Variants in MROH1 observed in about 807,000 individuals in gnomAD.
MROH1 encodes maestro heat like repeat family member 1.
Under a neutral mutation model 116.5 loss-of-function variants are expected in MROH1, and 117 were observed. That is an observed-to-expected ratio of 1.00 (90% CI 0.86 to 1.17). The LOEUF is 1.17. Among genes scored for constraint, MROH1 ranks in the 50% most tolerant of loss-of-function variants. The probability of loss-of-function intolerance (pLI) is 0.00; values close to 1 mark genes in which losing one functional copy is unlikely to be tolerated. For synonymous variants in MROH1, 921 were observed against 583.9 expected, an observed-to-expected ratio of 1.58 and a Z score of -8.32; for missense variants, 1,873 against 1,338.5, an observed-to-expected ratio of 1.40 and a Z score of -6.23.
chr8:144,257,012 A>G (rs1843984601), intron 35 of MROH1, among the ~76,000 whole-genome samples: 1 of 152,032 alleles, frequency 6.6e-6, no homozygotes, highest in South Asian at 2.1e-4. Flanking sequence ...CATGAGGCCC[A>G]GCTGAACTGA....
In MROH1 at chr8:144,238,785, C is replaced by T. The variant is rs1411218938; in HGVS notation, c.1368C>T (p.Asp456=). The T allele has an allele frequency of 6.5e-6, 5 of 774,130 alleles. No homozygotes were observed. The highest frequency in any genetic ancestry group is 5.4e-5 in the South Asian group (4 of 74,558). 48.0% of individuals were successfully genotyped at this position (774,130 alleles called of 1,614,324 possible). A position where few individuals can be genotyped will look rare whatever the true frequency, so the allele number is the denominator to read the frequency against. ...EPEKPGPGSK[D]PKADSVRAIS... The stretch of plus-strand genomic sequence containing the variant: ...AGAAGCCAGGCCCCGGCAGCAAGGA[C>T]CCCAAGGCCGACAGCGTGCGGGCCA... Residue 456 remains aspartate (D), a synonymous_variant, in exon 15 of 44, where the codon GAC becomes GAT. Transcript: ENST00000326134.
rs1012156789 is a variant in MROH1 at position 144,148,249 on chromosome 8, G to A, written c.-177+173G>A. Among the ~76,000 whole-genome samples, 58 of 152,240 alleles carry A rather than the reference G, an allele frequency of 3.8e-4. 1 individual carries two copies. In the East Asian group the frequency reaches 9.1e-3, roughly 24 times the overall value. ...GCTGGGAGGGTCCTGGGTGTCGCGGGGACCTCGGCTCAGGTGTGCGCCGCG... is the reference window on the plus strand; with the variant it reads ...GCTGGGAGGGTCCTGGGTGTCGCGGAGACCTCGGCTCAGGTGTGCGCCGCG... On this transcript the variant is annotated intron_variant, in intron 1 of 43. Transcript: ENST00000326134.
At position 144,168,435 on chromosome 8, in the gene MROH1, G is replaced by T; in HGVS notation, c.163G>T (p.Asp55Tyr). 1 of 1,606,240 alleles carries T rather than the reference G, an allele frequency of 6.2e-7. No homozygotes were observed. The highest frequency in any genetic ancestry group is 1.1e-5 in the South Asian group (1 of 90,180). Residue 55 changes from aspartate (D) to tyrosine (Y), a missense_variant, in exon 4 of 44, where the codon GAC becomes TAC. Coordinates refer to ENST00000326134, the MANE Select transcript of MROH1 (RefSeq NM_032450.3). ...RACEEYLRQH[D>Y]KLAHPYRAAV... is the part of the protein sequence containing the mutation. ...CTGCGAGGAGTATCTGCGGCAGCAT[G>T]ACAAGGTATGTGTGCTCCTTGGTGG...
At chr8:144,152,947 T>G (rs1247375601) in intron 1 of MROH1, among the ~76,000 whole-genome samples, 9 of 152,190 alleles carry the variant, frequency 5.9e-5, no homozygotes, top group Non-Finnish European at 1.3e-4. Flanking sequence ...GTCATCTATG[T>G]TGTGCAATTG....
chr8:144,244,860 G>A (rs1841626321), intron 28 of MROH1, among the ~76,000 whole-genome samples: 1 of 152,184 alleles, frequency 6.6e-6, no homozygotes, highest in South Asian at 2.1e-4. Flanking sequence ...CGACCCCCAT[G>A]CTCGGAGTGT....
At chr8:144,173,445 A>G (rs1304302419) in intron 4 of MROH1, among the ~76,000 whole-genome samples, 1 of 146,664 alleles carries the variant, frequency 6.8e-6, no homozygotes, top group Non-Finnish European at 1.5e-5. Flanking sequence ...TTTTTTTGAG[A>G]CAGAGTCTCA....
At position 144,242,503 on chromosome 8, in the gene MROH1, C is replaced by T; in HGVS notation, c.2313C>T (p.His771=). 1 of 780,718 alleles carries T rather than the reference C, an allele frequency of 1.3e-6. No individual in the cohort carries two copies. Among genetic ancestry groups the T allele is most frequent in the Non-Finnish European group, 2.4e-6 (1 of 417,824 alleles). 48.4% of individuals were successfully genotyped at this position (780,718 alleles called of 1,614,324 possible). A position where few individuals can be genotyped will look rare whatever the true frequency, so the allele number is the denominator to read the frequency against. ...ACATCCTCCGGAACATCTGCCAGCA[C>T]TTCAGCACCAAGGTGGGCACTGCGG... ...ESDILRNICQ[H]FSTKVLGIKV... is the part of the protein sequence containing the mutation. The change falls in exon 23 of 44, where the codon CAC becomes CAT. Residue 771 remains histidine, a synonymous_variant. Transcript: ENST00000326134.
Position 144,180,408 on chromosome 8 carries a change from G to C in MROH1, c.464-17G>C, listed in dbSNP as rs371112843. The C allele has an allele frequency of 6.2e-7, 1 of 1,612,758 alleles. No individual in the cohort carries two copies. The highest frequency in any genetic ancestry group is 8.5e-7 in the Non-Finnish European group (1 of 1,179,730). Reference sequence around the variant, plus strand: ...GGAAGCCTTGGCGGAGGCCTTTGACGGTGTCCTCTCTCACAGCGTTCGGCG... The same window carrying C: ...GGAAGCCTTGGCGGAGGCCTTTGACCGTGTCCTCTCTCACAGCGTTCGGCG... On this transcript the variant is annotated splice_polypyrimidine_tract_variant and intron_variant, in intron 6 of 43. Coordinates refer to ENST00000326134, the MANE Select transcript of MROH1 (RefSeq NM_032450.3). This position sits in a 1 kb window ranked among gnomAD's most constrained non-coding sequence, Gnocchi z 7.4.
intron 1 of MROH1, among the ~76,000 whole-genome samples, chr8:144,155,033 G>A (rs1304685569): frequency 6.6e-6 from 1 of 152,098 alleles, no homozygotes; most frequent in African/African-American, 2.4e-5. Flanking sequence ...AGCCAGGCTG[G>A]TCTTGAACTC....
At chr8:144,256,045 T>TGG (rs1206743867) in intron 35 of MROH1, among the ~76,000 whole-genome samples, 16 of 152,136 alleles carry the variant, frequency 1.1e-4, no homozygotes, top group Admixed American at 1.3e-4. Flanking sequence ...GTGGAGTCTT[T>TGG]GGGGTATAGG....
At chr8:144,192,263 G>A (rs1046615295) in intron 9 of MROH1, 46 bp from the exon 10 acceptor site, 1 of 1,503,202 alleles carries the variant, frequency 6.7e-7, no homozygotes, top group African/African-American at 1.4e-5. Context: ...GTCAGTTCGG[G>A]CGGCTGGAGG....
intron 7 of MROH1, among the ~76,000 whole-genome samples, chr8:144,185,903 G>T: frequency 7.0e-6 from 1 of 143,316 alleles, no homozygotes; most frequent in East Asian, 2.1e-4. Context: ...GAGGGGTGGC[G>T]GGGGGGCGGC....
chr8:144,205,443 A>G (rs1832607348), intron 12 of MROH1, among the ~76,000 whole-genome samples: 1 of 151,990 alleles, frequency 6.6e-6, no homozygotes, highest in Non-Finnish European at 1.5e-5. Context: ...GATTTTCCTT[A>G]TATATGATTT....
chr8:144,180,535 C>T lies in MROH1; in HGVS notation c.562+12C>T, dbSNP rs1456706366. On this transcript the variant is annotated intron_variant, in intron 7 of 43. Coordinates refer to ENST00000326134, the MANE Select transcript of MROH1 (RefSeq NM_032450.3). This position sits in a 1 kb window ranked among gnomAD's most constrained non-coding sequence, Gnocchi z 7.4. ...GGCCTTCTGCTCCGGTAAGAGGCGG[C>T]CTCGTCACCTTCTGTCTCAAGTGCC... The T allele has an allele frequency of 1.2e-6, 2 of 1,605,676 alleles. No homozygotes were observed. The highest frequency in any genetic ancestry group is 1.3e-5 in the African/African-American group (1 of 74,886).
rs370616803 is a variant in MROH1, at chr8:144,222,454, C to T, written c.1216-654C>T. The stretch of plus-strand genomic sequence containing the variant: ...AGGCTGCCTTCCAGGGGCAAAGGGG[C>T]CTTCACACAGCTTAGGGACAGAGAA... On this transcript the variant is annotated intron_variant, in intron 13 of 43. Coordinates refer to ENST00000326134, the MANE Select transcript of MROH1 (RefSeq NM_032450.3). Among the ~76,000 whole-genome samples the T allele has an allele frequency of 4.6e-5, 7 of 152,276 alleles. No homozygotes were observed. In the South Asian group the frequency reaches 8.3e-4, roughly 18 times the overall value.
intron 14 of MROH1, among the ~76,000 whole-genome samples, 158 bp downstream of exon 14, chr8:144,223,388 G>A (rs1837205327): frequency 6.6e-6 from 1 of 152,118 alleles, no homozygotes; most frequent in Non-Finnish European, 1.5e-5. Context: ...AATAGAGACA[G>A]GGTCTTGCTT....
chr8:144,260,537 C>T, intron 39 of MROH1, 140 bp from the exon 40 acceptor site: 1 of 742,874 alleles, frequency 1.3e-6, no homozygotes, highest in Non-Finnish European at 2.5e-6. Context: ...GCCTGGCAGC[C>T]CCCACCCGTA....
At chr8:144,176,902 A>AGGGAGTCAT (rs1175083951) in intron 4 of MROH1, among the ~76,000 whole-genome samples, 1 of 152,044 alleles carries the variant, frequency 6.6e-6, no homozygotes, top group African/African-American at 2.4e-5. Flanking sequence ...CTTAAGGGAA[A>AGGGAGTCAT]GGGAGTCATG....
chr8:144,192,291 T>C lies in MROH1; in HGVS notation c.856-18T>C. On this transcript the variant is annotated intron_variant, in intron 9 of 43. Coordinates refer to ENST00000326134, the MANE Select transcript of MROH1 (RefSeq NM_032450.3). Reference sequence around the variant, plus strand: ...GCTGGAGGTAGGACTGACGGCCTCTTCTCCCTACCCGGAGCAGAGCCTGGG... The same window carrying C: ...GCTGGAGGTAGGACTGACGGCCTCTCCTCCCTACCCGGAGCAGAGCCTGGG... The C allele has an allele frequency of 6.4e-7, 1 of 1,570,440 alleles. No homozygotes were observed. The highest frequency in any genetic ancestry group is 8.6e-7 in the Non-Finnish European group (1 of 1,160,208).
Sources: gnomAD v4.1 joint callset for allele counts (sites outside exome capture counted in the v4.1 genomes callset) on GRCh38, gnomAD v4.1.1 for gene constraint, Gnocchi (gnomAD v3.1) non-coding constraint, MANE v1.5 for transcripts, NCBI Gene and HGNC (gene_info 2026-07-23, HGNC 2026-07-21) for gene names.